Variants in EBF1 observed in about 807,000 individuals in gnomAD.
The protein encoded by EBF1 is transcription factor COE1.
In EBF1, 10 loss-of-function variants were observed where a neutral mutation model predicts 68.4. That is an observed-to-expected ratio of 0.15 (90% CI 0.09 to 0.25). The LOEUF is 0.25. Ranked by LOEUF, EBF1 falls within the 10% of genes least tolerant of loss-of-function variation. The probability of loss-of-function intolerance (pLI) is 1.00; values close to 1 mark genes in which losing one functional copy is unlikely to be tolerated. For synonymous variants in EBF1, 298 were observed against 299.8 expected (o/e 0.99, Z 0.06); for missense variants, 509 against 794.4 (o/e 0.64, Z 4.32).
At chr5:158,814,842 G>T (rs1257555478) in intron 8 of EBF1, among the ~76,000 whole-genome samples, 2 of 152,080 alleles carry the variant, frequency 1.3e-5, no homozygotes, top group South Asian at 4.1e-4. Context: ...AATAAAATCA[G>T]CATTTTTTAA....
At chr5:158,986,119 A>T (rs769221033) in intron 6 of EBF1, among the ~76,000 whole-genome samples, 1 of 152,248 alleles carries the variant, frequency 6.6e-6, no homozygotes. Flanking sequence ...GCCACAAGCC[A>T]TTCCGCTCCC....
intron 5 of EBF1, 53 bp from the exon 6 acceptor site, chr5:159,073,517 C>A: frequency 6.2e-7 from 1 of 1,601,144 alleles, no homozygotes; most frequent in Non-Finnish European, 8.6e-7. Flanking sequence ...GTAAAATCAT[C>A]ATTTAGGCAG....
chr5:158,714,889 G>C (rs1354599393), intron 11 of EBF1, among the ~76,000 whole-genome samples: 1 of 152,090 alleles, frequency 6.6e-6, no homozygotes, highest in Admixed American at 6.5e-5. Flanking sequence ...CTAGATAGAT[G>C]CTTGGCTACT....
chr5:158,830,414 G>A (rs1787268096), intron 7 of EBF1, among the ~76,000 whole-genome samples: 1 of 152,074 alleles, frequency 6.6e-6, no homozygotes, highest in Non-Finnish European at 1.5e-5. Context: ...GGGACTAGAG[G>A]GGCACACCAC....
intron 8 of EBF1, among the ~76,000 whole-genome samples, chr5:158,822,899 C>A (rs1053713416): frequency 1.3e-5 from 2 of 152,144 alleles, no homozygotes; most frequent in African/African-American, 4.8e-5. Flanking sequence ...AAGCAATGGT[C>A]CAGGCCTCCT....
At chr5:158,855,659 C>T (rs942623353) in intron 6 of EBF1, among the ~76,000 whole-genome samples, 1 of 152,222 alleles carries the variant, frequency 6.6e-6, no homozygotes, top group Non-Finnish European at 1.5e-5. Flanking sequence ...GATCCTATTA[C>T]GGTGCTTGGC....
At chr5:159,097,785 G>A (rs1782913674) in intron 1 of EBF1, among the ~76,000 whole-genome samples, 1 of 152,220 alleles carries the variant, frequency 6.6e-6, no homozygotes, top group African/African-American at 2.4e-5. Flanking sequence ...AAGTTTCGCT[G>A]TTCCGCAGAA....
chr5:159,006,075 T>G (rs1316913092), intron 6 of EBF1, among the ~76,000 whole-genome samples: 1 of 152,178 alleles, frequency 6.6e-6, no homozygotes, highest in Non-Finnish European at 1.5e-5. Context: ...ATTACTCAGT[T>G]TATGGATAAC....
chr5:158,756,140 G>GC (rs1212986794), intron 10 of EBF1, among the ~76,000 whole-genome samples: 2 of 152,032 alleles, frequency 1.3e-5, no homozygotes, highest in East Asian at 3.9e-4. Context: ...TCTTGGTTGA[G>GC]CCCCCCAGAT....
At chr5:158,724,450 G>A (rs779961969) in intron 11 of EBF1, among the ~76,000 whole-genome samples, 45 of 152,184 alleles carry the variant, frequency 3.0e-4, no homozygotes, top group Non-Finnish European at 1.6e-4. Context: ...AGGCAACGTG[G>A]TTATGCAAAG....
At chr5:158,812,210 A>G (rs1782804730) in intron 8 of EBF1, among the ~76,000 whole-genome samples, 1 of 152,234 alleles carries the variant, frequency 6.6e-6, no homozygotes, top group Non-Finnish European at 1.5e-5. Context: ...TGAATGATTG[A>G]ATGAATAAGC....
At chr5:158,806,261 G>T (rs1430007685) in intron 8 of EBF1, among the ~76,000 whole-genome samples, 6 of 152,098 alleles carry the variant, frequency 3.9e-5, no homozygotes, top group Non-Finnish European at 1.5e-5. Context: ...AAGTTTCCCA[G>T]GCAAACAAGG....
intron 10 of EBF1, among the ~76,000 whole-genome samples, chr5:158,762,756 C>T (rs569684931): frequency 2.0e-5 from 3 of 152,206 alleles, no homozygotes; most frequent in Non-Finnish European, 4.4e-5. Context: ...AGGATGGTCT[C>T]GATCTCCTGA....
At chr5:158,769,600 G>A (rs1773475183) in intron 10 of EBF1, among the ~76,000 whole-genome samples, 1 of 152,054 alleles carries the variant, frequency 6.6e-6, no homozygotes, top group African/African-American at 2.4e-5. Context: ...TACTTTCAGT[G>A]ACTTTTGTTG....
intron 10 of EBF1, among the ~76,000 whole-genome samples, chr5:158,771,634 T>G (rs1773903832): frequency 6.6e-6 from 1 of 152,136 alleles, no homozygotes; most frequent in African/African-American, 2.4e-5. Context: ...TTTTTATGAT[T>G]TGTCTACCTA....
intron 6 of EBF1, among the ~76,000 whole-genome samples, chr5:158,977,417 G>A (rs1040233354): frequency 4.6e-5 from 7 of 152,096 alleles, no homozygotes; most frequent in African/African-American, 1.7e-4. Flanking sequence ...CACTTAATAC[G>A]GTTTCTTTCA....
intron 6 of EBF1, among the ~76,000 whole-genome samples, chr5:158,880,411 A>C (rs545104493): frequency 6.6e-6 from 1 of 152,264 alleles, no homozygotes; most frequent in African/African-American, 2.4e-5. Context: ...ATTTCGAAAA[A>C]TTTATTCTCA....
At chr5:158,977,866 GGAGA>G (rs1390546599) in intron 6 of EBF1, among the ~76,000 whole-genome samples, 2 of 152,142 alleles carry the variant, frequency 1.3e-5, no homozygotes, top group Non-Finnish European at 2.9e-5. Context: ...GGAGGAGGGA[GGAGA>G]GAGAAAGAGA....
chr5:158,735,673 C>T (rs1232466305), intron 10 of EBF1, among the ~76,000 whole-genome samples: 2 of 152,072 alleles, frequency 1.3e-5, no homozygotes, highest in Non-Finnish European at 2.9e-5. Flanking sequence ...ACTGTATCAA[C>T]ATTACTACTT....
Sources: allele counts gnomAD v4.1 joint callset (sites outside exome capture counted in the v4.1 genomes callset), GRCh38; gene constraint gnomAD v4.1.1; transcripts MANE v1.5; gene names NCBI Gene and HGNC (gene_info 2026-07-23, HGNC 2026-07-21).